Variants in EVI5 observed in about 807,000 individuals in gnomAD.
EVI5 encodes the protein ecotropic viral integration site 5 protein homolog.
A neutral mutation model predicts 112.0 loss-of-function variants in EVI5; 73 were observed. The observed-to-expected ratio is 0.65, with a 90% CI of 0.54 to 0.79. The LOEUF is 0.79. Among genes scored for constraint, EVI5 ranks in the 30% least tolerant of loss-of-function variants. The pLI is 0.00. For synonymous variants in EVI5, 305 were observed against 319.9 expected (o/e 0.95, Z 0.50); for missense variants, 900 against 968.8 (o/e 0.93, Z 0.94).
intron 10 of EVI5, among the ~76,000 whole-genome samples, 187 bp downstream of exon 10, chr1:92,676,971 C>T (rs1666849289): frequency 1.3e-5 from 2 of 152,232 alleles, no homozygotes; most frequent in South Asian, 4.1e-4. Flanking sequence ...AGAGCTTGCT[C>T]TCCTTCATAC....
chr1:92,779,960 T>C (rs887494663), intron 1 of EVI5, among the ~76,000 whole-genome samples: 2 of 152,180 alleles, frequency 1.3e-5, no homozygotes, highest in Non-Finnish European at 2.9e-5. Flanking sequence ...CTCATAAATT[T>C]ATTTTCTAGA....
At chr1:92,551,969 G>C (rs1667009352) in intron 19 of EVI5, among the ~76,000 whole-genome samples, 1 of 152,092 alleles carries the variant, frequency 6.6e-6, no homozygotes, top group African/African-American at 2.4e-5. Flanking sequence ...CATCTCTTCA[G>C]AAATTTACTG....
intron 19 of EVI5, among the ~76,000 whole-genome samples, chr1:92,527,869 C>G (rs771751922): frequency 9.9e-5 from 15 of 152,146 alleles, no homozygotes; most frequent in Admixed American, 2.0e-4. Flanking sequence ...TTTATCCTTT[C>G]TAATGTTAAT....
chr1:92,648,354 C>T (rs1039536805), intron 13 of EVI5, among the ~76,000 whole-genome samples: 1 of 149,864 alleles, frequency 6.7e-6, no homozygotes, highest in Non-Finnish European at 1.5e-5. Context: ...TCCTGGGCAA[C>T]AGAGCGAGAC....
intron 13 of EVI5, among the ~76,000 whole-genome samples, chr1:92,659,542 T>C (rs1306516296): frequency 1.3e-5 from 2 of 152,060 alleles, no homozygotes; most frequent in Admixed American, 6.5e-5. Flanking sequence ...CACAATGAGA[T>C]ACCATCTTAC....
chr1:92,722,281 T>C (rs1486875595), intron 2 of EVI5, among the ~76,000 whole-genome samples: 1 of 152,188 alleles, frequency 6.6e-6, no homozygotes, highest in East Asian at 1.9e-4. Context: ...ATCTAACTGA[T>C]ATTTCATATC....
chr1:92,528,459 G>A (rs1454384032), intron 19 of EVI5, among the ~76,000 whole-genome samples: 1 of 152,088 alleles, frequency 6.6e-6, no homozygotes, highest in Admixed American at 6.6e-5. Flanking sequence ...CCATTCCTAG[G>A]CATATGAAAA....
At chr1:92,680,127 T>G (rs998338452) in intron 9 of EVI5, among the ~76,000 whole-genome samples, 4 of 152,210 alleles carry the variant, frequency 2.6e-5, no homozygotes, top group East Asian at 1.9e-4. Context: ...AGTGATCTTT[T>G]TTTAAAATGT....
chr1:92,557,643 T>C (rs1330841685), intron 19 of EVI5, among the ~76,000 whole-genome samples: 3 of 152,144 alleles, frequency 2.0e-5, no homozygotes, highest in African/African-American at 4.8e-5. Flanking sequence ...CAGTAGTATT[T>C]AGAGATAGAA....
At chr1:92,515,093 G>T (rs1659653630) in intron 19 of EVI5, among the ~76,000 whole-genome samples, 2 of 152,120 alleles carry the variant, frequency 1.3e-5, no homozygotes, top group African/African-American at 4.8e-5. Context: ...AGAGAGGAAT[G>T]GTATGCCTCA....
chr1:92,614,035 G>A (rs1049672775), intron 16 of EVI5, among the ~76,000 whole-genome samples: 4 of 152,120 alleles, frequency 2.6e-5, no homozygotes, highest in African/African-American at 4.8e-5. Context: ...AATTCCTCTG[G>A]CAAACAGCTC....
intron 16 of EVI5, among the ~76,000 whole-genome samples, chr1:92,620,039 A>C (rs1441945373): frequency 6.6e-6 from 1 of 152,182 alleles, no homozygotes; most frequent in Non-Finnish European, 1.5e-5. Flanking sequence ...ATGAGAAGAA[A>C]TACTTGAAGA....
At chr1:92,637,819 C>A (rs2101926713) in intron 13 of EVI5, among the ~76,000 whole-genome samples, 1 of 109,342 alleles carries the variant, frequency 9.1e-6, no homozygotes, top group South Asian at 4.5e-4. Context: ...ATGGTACTCT[C>A]CTGCCCCAGT....
intron 11 of EVI5, among the ~76,000 whole-genome samples, chr1:92,664,485 T>TTAA (rs369943982): frequency 2.1e-4 from 30 of 143,990 alleles, no homozygotes; most frequent in African/African-American, 6.9e-4. Context: ...TCCAAAGATT[T>TTAA]AAAAAAAAAA....
intron 14 of EVI5, among the ~76,000 whole-genome samples, chr1:92,635,913 T>G (rs941019982): frequency 6.6e-6 from 1 of 152,224 alleles, no homozygotes; most frequent in African/African-American, 2.4e-5. Context: ...AGTTTCTCTC[T>G]TCTGCAACAT....
intron 2 of EVI5, among the ~76,000 whole-genome samples, chr1:92,717,891 T>G (rs1570560376): frequency 6.7e-6 from 1 of 149,598 alleles, no homozygotes; most frequent in South Asian, 2.1e-4. Context: ...AACCAGGGGT[T>G]GCAATCCTAG....
chr1:92,674,221 C>G (rs1485195593), intron 10 of EVI5, among the ~76,000 whole-genome samples: 1 of 152,114 alleles, frequency 6.6e-6, no homozygotes, highest in East Asian at 1.9e-4. Context: ...AGGTGGTCAT[C>G]TGATCATGAT....
intron 19 of EVI5, among the ~76,000 whole-genome samples, chr1:92,520,588 C>A (rs1484705962): frequency 6.6e-6 from 1 of 152,022 alleles, no homozygotes; most frequent in Non-Finnish European, 1.5e-5. Context: ...TGGTGGCTCA[C>A]ATCTGTAATC....
chr1:92,740,169 T>C (rs1218182621), intron 1 of EVI5, among the ~76,000 whole-genome samples: 1 of 152,210 alleles, frequency 6.6e-6, no homozygotes, highest in East Asian at 1.9e-4. Context: ...TTTTAAAATA[T>C]AGTTACCATT....
Sources: allele counts gnomAD v4.1 joint callset (sites outside exome capture counted in the v4.1 genomes callset), GRCh38; gene constraint gnomAD v4.1.1; transcripts MANE v1.5; gene names NCBI Gene and HGNC (gene_info 2026-07-23, HGNC 2026-07-21).